Variants in ODAD1 observed in about 807,000 individuals in gnomAD.
ODAD1 encodes the protein outer dynein arm docking complex subunit 1.
Under a neutral mutation model 67.2 loss-of-function variants are expected in ODAD1, and 49 were observed. The ratio of observed to expected loss-of-function variants is 0.73; its 90% confidence interval spans 0.58 to 0.92. The LOEUF (loss-of-function observed/expected upper bound fraction) is 0.92. Among genes scored for constraint, ODAD1 ranks in the 40% least tolerant of loss-of-function variants. The pLI, the probability that ODAD1 is intolerant of heterozygous loss-of-function variation, is 0.00. For synonymous variants in ODAD1, 345 were observed against 393.7 expected (o/e 0.88, Z 1.46); for missense variants, 897 against 953.7 (o/e 0.94, Z 0.78).
rs760931908 is a variant in ODAD1 at position 48,312,120 on chromosome 19, C to T, written c.361-4G>A. ...TCCGCGTCTCCCACTCCTGGATCTACAAGAAAGAGGATGGTACCTGTTTTT... is the reference window on the plus strand; with the variant it reads ...TCCGCGTCTCCCACTCCTGGATCTATAAGAAAGAGGATGGTACCTGTTTTT... On this transcript the variant is annotated splice_polypyrimidine_tract_variant and splice_region_variant and intron_variant, in intron 5 of 15. Transcript: ENST00000674294. The T allele has an allele frequency of 1.3e-6, 2 of 1,550,836 alleles. No individual in the cohort carries two copies. Among genetic ancestry groups the T allele is most frequent in the Non-Finnish European group, 8.7e-7 (1 of 1,146,088 alleles).
At position 48,297,473 on chromosome 19, in the gene ODAD1, C is replaced by G. The variant is rs1968328115; in HGVS notation, c.1627G>C (p.Ala543Pro). Residue 543 changes from alanine (A) to proline (P), a missense_variant, in exon 16 of 16, where the codon GCC becomes CCC. Physicochemically the swap from Ala to Pro is conservative, Grantham distance 27. Transcript: ENST00000674294. ...QAEAQRQKDL[A>P]AAAAKLDGTL... Reference sequence around the variant, plus strand: ...CCGTCCAGCTTCGCGGCGGCGGCGGCCAGGTCCTTCTGGCGCTGCGCCTCC... The same window carrying G: ...CCGTCCAGCTTCGCGGCGGCGGCGGGCAGGTCCTTCTGGCGCTGCGCCTCC... 7 of 1,601,376 alleles carry G rather than the reference C, an allele frequency of 4.4e-6. No individual in the cohort carries two copies. The highest frequency in any genetic ancestry group is 5.9e-6 in the Non-Finnish European group (7 of 1,177,008).
rs10403090 is a variant in ODAD1 at position 48,321,846 on chromosome 19, G to C, written c.-232C>G. On this transcript the variant is annotated 5_prime_UTR_variant, in exon 1 of 16. Transcript: ENST00000674294. ...AGGAAGGAAGGCGGTGTCGAAGCCG[G>C]GAGTTGCGCGGAGAAGGAGCGCTCA... 0.5 allele frequency: 199,919 copies of C among 398,206 alleles called. 51,308 individuals carry two copies. The highest frequency in any genetic ancestry group is 0.62 in the Middle Eastern group (981 of 1,588). The allele number at this position is 398,206 out of a possible 1,614,324, so 24.7% of individuals were successfully genotyped here.
In ODAD1 at chr19:48,312,025, CT is replaced by C. The variant is rs751909800; in HGVS notation, c.451del (p.Arg151GlyfsTer5). ...CAACTGGTTTTCTAGGATCCTGATC[CT>C]TCGCCTGATCTTGACCTTCTGATCC... ...ILDQKVKIRR[R>X]IRILENQLDR... On this transcript the variant is annotated frameshift_variant, in exon 6 of 16. Transcript: ENST00000674294. LOFTEE classifies it high-confidence loss of function. 3 of 1,551,594 alleles carry C rather than the reference CT, an allele frequency of 1.9e-6. No individual in the cohort carries two copies. Among genetic ancestry groups the C allele is most frequent in the Non-Finnish European group, 2.6e-6 (3 of 1,146,802 alleles).
At chr19:48,305,196 G>A (rs1968573721) in intron 8 of ODAD1, among the ~76,000 whole-genome samples, 1 of 151,930 alleles carries the variant, frequency 6.6e-6, no homozygotes, top group Non-Finnish European at 1.5e-5. Context: ...GATGGAGTGA[G>A]AGAGAGAGCA....
intron 11 of ODAD1, 51 bp downstream of exon 11, chr19:48,302,962 G>A (rs774352752): frequency 2.5e-6 from 4 of 1,599,166 alleles, no homozygotes; most frequent in South Asian, 1.1e-5. Context: ...AGGGAAGGGG[G>A]CGGGGAGGCC....
chr19:48,314,118 C>T (rs1205314321), intron 5 of ODAD1, among the ~76,000 whole-genome samples: 1 of 152,146 alleles, frequency 6.6e-6, no homozygotes, highest in Non-Finnish European at 1.5e-5. Flanking sequence ...TGGCACATGC[C>T]TGTAATCCCA....
rs761748771 is a variant in ODAD1 at position 48,297,459 on chromosome 19, C to CGCG, written c.1638_1640dup (p.Ala547dup). On this transcript the variant is annotated inframe_insertion, in exon 16 of 16. Transcript: ENST00000674294. ...CCACGCTCAGGGTGCCGTCCAGCTT[C>CGCG]GCGGCGGCGGCGGCCAGGTCCTTCT... 713 of 1,601,126 alleles carry CGCG rather than the reference C, an allele frequency of 4.5e-4. 2 individuals carry two copies. The highest frequency in any genetic ancestry group is 2.2e-3 in the South Asian group (203 of 90,626).
intron 12 of ODAD1, among the ~76,000 whole-genome samples, chr19:48,299,550 T>C (rs1968401695): frequency 6.6e-6 from 1 of 150,904 alleles, no homozygotes; most frequent in South Asian, 2.1e-4. Context: ...ACACCTGTAA[T>C]CCCAGCACTT....
At position 48,302,842 on chromosome 19, in the gene ODAD1, G is replaced by A. The variant is rs751571535; in HGVS notation, c.1092C>T (p.Ser364=). ...GCTGGTCATCCTTGCTGGCACGTGC[G>A]CTCACCAAAGCCTCCTGCATCTGTG... ...EIKEMQEALV[S]ARASKDDQHL... The change falls in exon 12 of 16, where the codon AGC becomes AGT. Residue 364 remains serine (S), a synonymous_variant. Coordinates refer to ENST00000674294, the MANE Select transcript of ODAD1 (RefSeq NM_001364171.2). 61 of 1,613,834 alleles carry A rather than the reference G, an allele frequency of 3.8e-5. No homozygotes were observed. Among genetic ancestry groups the A allele is most frequent in the South Asian group, 2.1e-4 (19 of 91,088 alleles).
rs1416992239 is a variant in ODAD1 at position 48,311,655 on chromosome 19, G to A, written c.495C>T (p.His165=). The A allele has an allele frequency of 6.5e-7, 1 of 1,546,012 alleles. No homozygotes were observed. Among genetic ancestry groups the A allele is most frequent in the South Asian group, 1.2e-5 (1 of 83,950 alleles). ...CATTCCGTACCAGCTGGTTGTCAAA[G>A]TGACAGGTGACCTGGGAGTAGAAAG... ...LENQLDRVTC[H]FDNQLVRNAA... is the part of the protein sequence containing the mutation. The change falls in exon 7 of 16, where the codon CAC becomes CAT. Residue 165 remains histidine, a synonymous_variant. Coordinates refer to ENST00000674294, the MANE Select transcript of ODAD1 (RefSeq NM_001364171.2).
intron 7 of ODAD1, 120 bp downstream of exon 7, chr19:48,311,433 C>A: frequency 3.1e-6 from 2 of 637,944 alleles, no homozygotes; most frequent in Non-Finnish European, 5.7e-6. Context: ...TAAAGCAAGC[C>A]TACCGCTCTA....
At chr19:48,310,565 T>G (rs1476020177) in intron 7 of ODAD1, among the ~76,000 whole-genome samples, 1 of 152,182 alleles carries the variant, frequency 6.6e-6, no homozygotes, top group Non-Finnish European at 1.5e-5. Context: ...AAATGCTCTC[T>G]CAAGTACTTA....
At chr19:48,308,552 C>T (rs1426286444) in intron 7 of ODAD1, among the ~76,000 whole-genome samples, 1 of 152,240 alleles carries the variant, frequency 6.6e-6, no homozygotes, top group Non-Finnish European at 1.5e-5. Context: ...TACCCTGTTG[C>T]AGCCATTACA....
At chr19:48,302,248 G>T (rs1968484230) in intron 12 of ODAD1, among the ~76,000 whole-genome samples, 1 of 150,764 alleles carries the variant, frequency 6.6e-6, no homozygotes, top group Non-Finnish European at 1.5e-5. Flanking sequence ...CCTGGATGGA[G>T]AGATAGATAT....
At position 48,311,595 on chromosome 19, in the gene ODAD1, G is replaced by A. The variant is rs114554656; in HGVS notation, c.555C>T (p.Ile185=). 235 of 1,551,192 alleles carry A rather than the reference G, an allele frequency of 1.5e-4. No homozygotes were observed. In the African/African-American group the frequency reaches 2.3e-3, roughly 15 times the overall value. Residue 185 remains isoleucine (I), a synonymous_variant, in exon 7 of 16, where the codon ATC becomes ATT. Coordinates refer to ENST00000674294, the MANE Select transcript of ODAD1 (RefSeq NM_001364171.2). ...ALREELDLLR[I]DRNRYLNVDR... ...CCACGTTCAGATAGCGGTTCCTGTC[G>A]ATCCGCAGCAGATCCAGCTCCTCCC...
intron 5 of ODAD1, among the ~76,000 whole-genome samples, chr19:48,317,210 G>T (rs1335811958): frequency 6.7e-6 from 1 of 148,206 alleles, no homozygotes; most frequent in Non-Finnish European, 1.5e-5. Context: ...ATTAAAAAAT[G>T]TATATATATA....
chr19:48,300,204 G>A (rs2147311898), intron 12 of ODAD1, among the ~76,000 whole-genome samples: 1 of 152,096 alleles, frequency 6.6e-6, no homozygotes, highest in South Asian at 2.1e-4. Flanking sequence ...AACTCAGGAG[G>A]CTGAGGCAGA....
rs1303454567 is a variant in ODAD1, at chr19:48,298,335, G to C, written c.1246C>G (p.Gln416Glu). 1 of 1,613,916 alleles carries C rather than the reference G, an allele frequency of 6.2e-7. No homozygotes were observed. The part of the protein sequence containing the change: ...GQLEKLKADI[Q>E]LLFTKAHCDS... ...CAATGGGCCTTGGTGAAGAGGAGCT[G>C]GATATCTGCGTCATGGAGGGCCGGT... is the stretch of plus-strand genomic sequence containing the variant. Residue 416 changes from glutamine to glutamate, a missense_variant, in exon 13 of 16, where the codon CAG (glutamine) becomes GAG (glutamate). Physicochemically the swap from Gln to Glu is conservative, Grantham distance 29 (BLOSUM62 2). Coordinates refer to ENST00000674294, the MANE Select transcript of ODAD1 (RefSeq NM_001364171.2).
In ODAD1 at chr19:48,297,567, A is replaced by C. The variant is rs748617932; in HGVS notation, c.1581+23T>G. On this transcript the variant is annotated intron_variant, in intron 15 of 15. Transcript: ENST00000674294. ...CCGACACACACTGAGGCCTGGCCCC[A>C]CCCCCGCAGGCCCCACTCTCACCAG... 1.2e-5 allele frequency: 19 copies of C among 1,582,200 alleles called. No individual in the cohort carries two copies. The African/African-American group carries it at 1.8e-4, about 15-fold the overall frequency.
Sources: allele counts gnomAD v4.1 joint callset (sites outside exome capture counted in the v4.1 genomes callset), GRCh38; gene constraint gnomAD v4.1.1; transcripts MANE v1.5; gene names NCBI Gene and HGNC (gene_info 2026-07-23, HGNC 2026-07-21).